ULK4: variants seen among roughly 807,000 people sequenced by gnomAD.
The protein encoded by ULK4 is inactive serine/threonine-protein kinase ULK4.
ULK4 carries 133 observed loss-of-function variants against 160.6 expected under a neutral mutation model. The observed-to-expected ratio is 0.83, with a 90% CI of 0.72 to 0.96. The LOEUF is 0.96. Ranked by LOEUF, ULK4 falls within the 40% of genes least tolerant of loss-of-function variation. The pLI is 0.00. For synonymous variants in ULK4, 534 were observed against 539.8 expected (o/e 0.99, Z 0.15); for missense variants, 1,580 against 1,499.5 (o/e 1.05, Z -0.89).
intron 4 of ULK4, among the ~76,000 whole-genome samples, chr3:41,934,037 C>CA (rs1041913740): frequency 6.6e-6 from 1 of 151,676 alleles, no homozygotes; most frequent in African/African-American, 2.4e-5. Flanking sequence ...AACTGTGTCT[C>CA]AAAAAAAATA....
chr3:41,513,635 C>T (rs951533471), intron 32 of ULK4, among the ~76,000 whole-genome samples: 1 of 152,164 alleles, frequency 6.6e-6, no homozygotes, highest in African/African-American at 2.4e-5. Flanking sequence ...CCATCAACAA[C>T]AACAAGGAAC....
chr3:41,414,339 T>C (rs2082478837), intron 34 of ULK4, among the ~76,000 whole-genome samples: 1 of 152,244 alleles, frequency 6.6e-6, no homozygotes, highest in African/African-American at 2.4e-5. Flanking sequence ...TATAAGTGAA[T>C]ACACACATAC....
intron 22 of ULK4, among the ~76,000 whole-genome samples, chr3:41,741,277 C>A (rs1461014314): frequency 6.6e-6 from 1 of 151,880 alleles, no homozygotes; most frequent in South Asian, 2.1e-4. Flanking sequence ...CTTCCATATG[C>A]ATTTTTTAAC....
intron 32 of ULK4, among the ~76,000 whole-genome samples, chr3:41,470,128 A>T (rs953017283): frequency 6.6e-6 from 1 of 151,910 alleles, no homozygotes; most frequent in Non-Finnish European, 1.5e-5. Context: ...GAGGAAGCAC[A>T]GAGGTCTCCA....
chr3:41,404,110 G>A (rs1226014183), intron 34 of ULK4, among the ~76,000 whole-genome samples: 4 of 151,722 alleles, frequency 2.6e-5, no homozygotes, highest in African/African-American at 4.8e-5. Context: ...TTGGTTGAGT[G>A]TATTGTTCAA....
chr3:41,708,922 G>A (rs896245947), intron 25 of ULK4, among the ~76,000 whole-genome samples: 1 of 152,058 alleles, frequency 6.6e-6, no homozygotes, highest in African/African-American at 2.4e-5. Context: ...TAAAGTTATA[G>A]GAAAATACTT....
chr3:41,718,845 T>C (rs1164049118), intron 22 of ULK4, among the ~76,000 whole-genome samples: 1 of 152,238 alleles, frequency 6.6e-6, no homozygotes, highest in African/African-American at 2.4e-5. Flanking sequence ...AATAGACTTA[T>C]GCATGCATTT....
At chr3:41,909,666 G>A (rs1178236052) in intron 11 of ULK4, among the ~76,000 whole-genome samples, 1 of 152,004 alleles carries the variant, frequency 6.6e-6, no homozygotes, top group East Asian at 1.9e-4. Context: ...AGTAGGCCGA[G>A]ATCATGCCAC....
At chr3:41,923,436 T>C (rs1357228007) in intron 5 of ULK4, among the ~76,000 whole-genome samples, 1 of 152,078 alleles carries the variant, frequency 6.6e-6, no homozygotes, top group African/African-American at 2.4e-5. Flanking sequence ...AGACAGAGGT[T>C]GCAGTGAGCT....
At chr3:41,882,350 G>T in intron 17 of ULK4, 1 of 694,742 alleles carries the variant, frequency 1.4e-6, no homozygotes, top group South Asian at 1.5e-5. Context: ...AGATAAAGTA[G>T]AACAATGGGG....
intron 34 of ULK4, among the ~76,000 whole-genome samples, chr3:41,401,202 CTT>C (rs1435362134): frequency 2.6e-5 from 4 of 152,120 alleles, no homozygotes; most frequent in African/African-American, 9.7e-5. Context: ...ACAAAAAACT[CTT>C]TGCTGAAACA....
intron 21 of ULK4, among the ~76,000 whole-genome samples, chr3:41,779,985 TAAAAAAAA>T (rs777587812): frequency 1.7e-5 from 1 of 59,366 alleles, no homozygotes; most frequent in South Asian, 6.4e-4. Context: ...TAGAGTATAA[TAAAAAAAA>T]AAAAAAAAAA....
At chr3:41,260,727 C>T (rs979571416) in intron 35 of ULK4, among the ~76,000 whole-genome samples, 5 of 152,188 alleles carry the variant, frequency 3.3e-5, no homozygotes, top group African/African-American at 9.7e-5. Flanking sequence ...GTCACAAAGG[C>T]TTGCTCCCCT....
At chr3:41,247,047 T>TCC in intron 36 of ULK4, 55 bp from the exon 37 acceptor site, 1 of 1,529,542 alleles carries the variant, frequency 6.5e-7, no homozygotes, top group African/African-American at 1.4e-5. Context: ...GGTAAAGTGC[T>TCC]CCCCCCTTTC....
chr3:41,552,556 C>A (rs145207164), intron 32 of ULK4, among the ~76,000 whole-genome samples: 3 of 151,570 alleles, frequency 2.0e-5, no homozygotes, highest in African/African-American at 7.3e-5. Context: ...AGGTAAAATA[C>A]CTCTAAAAGG....
chr3:41,675,155 G>A (rs531029071), intron 29 of ULK4, among the ~76,000 whole-genome samples: 34 of 149,616 alleles, frequency 2.3e-4, no homozygotes, highest in African/African-American at 7.6e-4. Context: ...CAGGAGAATC[G>A]CCTGAACCCA....
At chr3:41,686,290 C>T (rs2036098258) in intron 27 of ULK4, among the ~76,000 whole-genome samples, 1 of 152,122 alleles carries the variant, frequency 6.6e-6, no homozygotes, top group African/African-American at 2.4e-5. Flanking sequence ...TATGTATATA[C>T]ACAAATATAA....
intron 29 of ULK4, among the ~76,000 whole-genome samples, chr3:41,664,533 T>C (rs1044776735): frequency 2.0e-5 from 3 of 152,134 alleles, no homozygotes; most frequent in Non-Finnish European, 4.4e-5. Context: ...GGGATGGTCA[T>C]GTAGGCAACC....
chr3:41,768,132 T>C (rs1263313899), intron 21 of ULK4, among the ~76,000 whole-genome samples: 3 of 152,170 alleles, frequency 2.0e-5, no homozygotes, highest in Non-Finnish European at 4.4e-5. Flanking sequence ...ATGTAATGCC[T>C]GATGATCTTC....
Sources: allele counts gnomAD v4.1 joint callset (sites outside exome capture counted in the v4.1 genomes callset), GRCh38; gene constraint gnomAD v4.1.1; transcripts MANE v1.5; gene names NCBI Gene and HGNC (gene_info 2026-07-23, HGNC 2026-07-21).